The following CAMTA1 variants were observed in gnomAD, a reference collection of about 807,000 sequenced individuals.
CAMTA1 encodes calmodulin-binding transcription activator 1.
A neutral mutation model predicts 170.9 loss-of-function variants in CAMTA1; 27 were observed. The ratio of observed to expected loss-of-function variants is 0.16; its 90% CI spans 0.12 to 0.22. The LOEUF (loss-of-function observed/expected upper bound fraction) is 0.22, where lower values mean the gene tolerates loss of function less well. Among genes scored for constraint, CAMTA1 ranks in the 10% least tolerant of loss-of-function variants. The pLI, the probability that CAMTA1 is intolerant of heterozygous loss-of-function variation, is 1.00. For synonymous variants in CAMTA1, 833 were observed against 891.5 expected (o/e 0.93, Z 1.17); for missense variants, 1,619 against 2,217.2 (o/e 0.73, Z 5.42).
chr1:6,844,508 C>A (rs1251825212), intron 3 of CAMTA1, among the ~76,000 whole-genome samples: 88 of 96,456 alleles, frequency 9.1e-4, no homozygotes, highest in South Asian at 1.4e-3. Flanking sequence ...CATTGCATTA[C>A]AAAAAAAAAA....
intron 6 of CAMTA1, among the ~76,000 whole-genome samples, chr1:7,489,684 G>C (rs1189624090): frequency 6.6e-6 from 1 of 152,164 alleles, no homozygotes; most frequent in East Asian, 1.9e-4. Context: ...ATACACACTC[G>C]TTAAAGTGGC....
chr1:7,392,853 G>A (rs191280939), intron 5 of CAMTA1, among the ~76,000 whole-genome samples: 19 of 151,942 alleles, frequency 1.3e-4, no homozygotes, highest in Non-Finnish European at 2.1e-4. Context: ...CAGCCTGGAC[G>A]ACAGAGACTC....
At chr1:7,613,181 G>A (rs1422998197) in intron 6 of CAMTA1, among the ~76,000 whole-genome samples, 4 of 152,234 alleles carry the variant, frequency 2.6e-5, no homozygotes, top group Non-Finnish European at 5.9e-5. Flanking sequence ...CCCGGGATGG[G>A]ATGTAGATGA....
intron 3 of CAMTA1, among the ~76,000 whole-genome samples, chr1:6,881,272 A>G (rs1671490085): frequency 6.6e-6 from 1 of 152,236 alleles, no homozygotes; most frequent in South Asian, 2.1e-4. Flanking sequence ...AGCAAGGTAC[A>G]CAGTGAGAGG....
chr1:7,174,362 C>T (rs1269270666), intron 4 of CAMTA1, among the ~76,000 whole-genome samples: 4 of 152,190 alleles, frequency 2.6e-5, no homozygotes, highest in Non-Finnish European at 5.9e-5. Context: ...GGTTTGTTCT[C>T]CAAGTAAACA....
At position 7,205,310 on chromosome 1, in the gene CAMTA1, T is replaced by G. The variant is rs547002699; in HGVS notation, c.303-44181T>G. Among the ~76,000 whole-genome samples the G allele has an allele frequency of 4.6e-5, 7 of 151,712 alleles. No individual in the cohort carries two copies. In the East Asian group the frequency reaches 9.8e-4, roughly 21 times the overall value. On this transcript the variant is annotated intron_variant, in intron 4 of 22. Coordinates refer to ENST00000303635, the MANE Select transcript of CAMTA1 (RefSeq NM_015215.4). ...TAGAGACGGGGTTTCACTAAGTTGG[T>G]CAGGCTGATCTTGAACTCCTGACCT...
chr1:7,707,469 G>A (rs1179327220), intron 11 of CAMTA1, among the ~76,000 whole-genome samples: 5 of 152,012 alleles, frequency 3.3e-5, no homozygotes, highest in South Asian at 2.1e-4. Context: ...TCCACCTCCC[G>A]GGCTCAGGTG....
intron 3 of CAMTA1, among the ~76,000 whole-genome samples, chr1:6,915,892 A>G (rs994441600): frequency 5.9e-5 from 9 of 152,128 alleles, no homozygotes; most frequent in East Asian, 5.8e-4. Flanking sequence ...TGACCCCACC[A>G]TCGGTCATTC....
At chr1:7,271,615 C>G (rs1049162904) in intron 5 of CAMTA1, among the ~76,000 whole-genome samples, 7 of 105,606 alleles carry the variant, frequency 6.6e-5, no homozygotes, top group Admixed American at 2.0e-4. Context: ...TAGATAGATA[C>G]AATACCCCCA....
chr1:7,177,105 G>A (rs1423972286), intron 4 of CAMTA1, among the ~76,000 whole-genome samples: 2 of 150,128 alleles, frequency 1.3e-5, no homozygotes, highest in Non-Finnish European at 3.0e-5. Context: ...CCCACACACT[G>A]AGGCCCCTCC....
At chr1:7,181,698 TG>T (rs928115033) in intron 4 of CAMTA1, among the ~76,000 whole-genome samples, 2 of 152,158 alleles carry the variant, frequency 1.3e-5, no homozygotes, top group African/African-American at 2.4e-5. Context: ...TAAGCTCTTC[TG>T]AAAGATGTGA....
rs201761618 is a variant in CAMTA1, at chr1:7,701,605, AGAG to A, written c.2914+23876_2914+23878del. Among the ~76,000 whole-genome samples the A allele has an allele frequency of 2.0e-5, 3 of 152,130 alleles. No homozygotes were observed. In the East Asian group the frequency reaches 5.8e-4, roughly 30 times the overall value. On this transcript the variant is annotated intron_variant, in intron 11 of 22. Transcript: ENST00000303635. Reference sequence around the variant, plus strand: ...TAATTTTTTTTAAAAAAAATTGTAGAGAGGAGATCTCACCATGTTGCCCAGGCT... The same window carrying A: ...TAATTTTTTTTAAAAAAAATTGTAGAGAGATCTCACCATGTTGCCCAGGCT...
chr1:6,858,828 G>A (rs564859705), intron 3 of CAMTA1, among the ~76,000 whole-genome samples: 11 of 152,242 alleles, frequency 7.2e-5, no homozygotes, highest in African/African-American at 2.6e-4. Flanking sequence ...TGACTGTGCA[G>A]TATAGAGCAT....
intron 6 of CAMTA1, among the ~76,000 whole-genome samples, chr1:7,568,583 A>G (rs1394239476): frequency 4.8e-5 from 7 of 147,032 alleles, no homozygotes; most frequent in Non-Finnish European, 1.0e-4. Context: ...ACCATCATCA[A>G]CATCACCATC....
chr1:7,440,054 C>T (rs1386270199), intron 5 of CAMTA1, among the ~76,000 whole-genome samples: 10 of 152,262 alleles, frequency 6.6e-5, no homozygotes, highest in Admixed American at 5.2e-4. Flanking sequence ...GGCGGGTACC[C>T]GCACTGGGCA....
intron 6 of CAMTA1, among the ~76,000 whole-genome samples, chr1:7,569,286 ACC>A (rs931014272): frequency 3.4e-5 from 5 of 148,956 alleles, no homozygotes; most frequent in African/African-American, 1.2e-4. Flanking sequence ...CATCACCATC[ACC>A]ACCACCAACC....
intron 4 of CAMTA1, among the ~76,000 whole-genome samples, chr1:7,189,419 T>C (rs1012666710): frequency 2.6e-5 from 4 of 152,068 alleles, no homozygotes; most frequent in Non-Finnish European, 5.9e-5. Flanking sequence ...TACAGTGAAC[T>C]CAAACAAATT....
At chr1:7,506,724 T>G (rs2094120005) in intron 6 of CAMTA1, among the ~76,000 whole-genome samples, 1 of 150,356 alleles carries the variant, frequency 6.7e-6, no homozygotes, top group African/African-American at 2.5e-5. Flanking sequence ...CACTCAAAAT[T>G]CACACTAGCA....
intron 4 of CAMTA1, among the ~76,000 whole-genome samples, chr1:7,179,690 T>C (rs964626882): frequency 6.6e-6 from 1 of 152,106 alleles, no homozygotes; most frequent in African/African-American, 2.4e-5. Context: ...AAAATAATCA[T>C]AATGAAAACA....
Sources: gnomAD v4.1 joint callset for allele counts (sites outside exome capture counted in the v4.1 genomes callset) on GRCh38, gnomAD v4.1.1 for gene constraint, MANE v1.5 for transcripts, NCBI Gene and HGNC (gene_info 2026-07-23, HGNC 2026-07-21) for gene names.